The following PLEKHA6 variants were observed in gnomAD, a reference collection of about 807,000 sequenced individuals.
PLEKHA6 encodes pleckstrin homology domain-containing family A member 6.
In PLEKHA6, 60 loss-of-function variants were observed where a neutral mutation model predicts 116.7. The observed-to-expected ratio is 0.51, with a 90% CI of 0.42 to 0.64. The LOEUF is 0.64. Among genes scored for constraint, PLEKHA6 ranks in the 30% least tolerant of loss-of-function variants. The pLI, the probability that PLEKHA6 is intolerant of heterozygous loss-of-function variation, is 0.00. For missense variants in PLEKHA6, 1,338 were observed against 1,422.7 expected, an observed-to-expected ratio of 0.94 and a Z score of 0.96; for synonymous variants, 489 against 556.1, an observed-to-expected ratio of 0.88 and a Z score of 1.70.
intron 1 of PLEKHA6, among the ~76,000 whole-genome samples, chr1:204,333,410 C>T (rs575375289): frequency 6.6e-6 from 1 of 152,312 alleles, no homozygotes; most frequent in East Asian, 1.9e-4. Flanking sequence ...GCCCAGGACT[C>T]CAGTTCTCTG....
At chr1:204,353,080 G>T (rs1673329598) in intron 1 of PLEKHA6, among the ~76,000 whole-genome samples, 1 of 152,192 alleles carries the variant, frequency 6.6e-6, no homozygotes. Flanking sequence ...AAAGCAAATG[G>T]TAGGGCCAGG....
At chr1:204,372,967 G>T (rs183409556) in intron 1 of PLEKHA6, among the ~76,000 whole-genome samples, 1 of 150,946 alleles carries the variant, frequency 6.6e-6, no homozygotes, top group African/African-American at 2.4e-5. Flanking sequence ...GAGTGCAGTG[G>T]CACAATCATA....
At chr1:204,363,255 C>A (rs1026723098), upstream of PLEKHA6, among the ~76,000 whole-genome samples, 3 of 152,232 alleles carry the variant, frequency 2.0e-5, no homozygotes, top group Admixed American at 1.3e-4. Context: ...CACTGCCCAG[C>A]CTGGAAGCAC....
At chr1:204,253,163 A>G (rs1011784742) in intron 9 of PLEKHA6, among the ~76,000 whole-genome samples, 1 of 152,224 alleles carries the variant, frequency 6.6e-6, no homozygotes, top group Non-Finnish European at 1.5e-5. Context: ...GCAAGTGGTG[A>G]CTGTCACTCC....
chr1:204,288,075 CAT>C (rs1179537879), intron 1 of PLEKHA6, among the ~76,000 whole-genome samples: 3 of 152,316 alleles, frequency 2.0e-5, no homozygotes, highest in South Asian at 4.1e-4. Context: ...CCCAGACAAA[CAT>C]AGACCAGACA....
At chr1:204,310,884 T>C (rs770414651) in intron 1 of PLEKHA6, among the ~76,000 whole-genome samples, 11 of 152,198 alleles carry the variant, frequency 7.2e-5, no homozygotes, top group Non-Finnish European at 1.5e-4. Flanking sequence ...GGCTCTGCTT[T>C]GGAGAAGGAA....
chr1:204,327,071 C>T (rs1045004814), intron 1 of PLEKHA6: 1 of 899,644 alleles, frequency 1.1e-6, no homozygotes, highest in Admixed American at 6.2e-5. Context: ...TCCTCCTCCT[C>T]CTGGGATAGA....
At chr1:204,250,398 C>T in intron 10 of PLEKHA6, 148 bp downstream of exon 10, 1 of 653,430 alleles carries the variant, frequency 1.5e-6, no homozygotes, top group Non-Finnish European at 2.8e-6. Context: ...AGACATGAAT[C>T]AAAGGTATGA....
At chr1:204,328,042 TTTATTTTATTTA>T (rs1375751383) in intron 1 of PLEKHA6, among the ~76,000 whole-genome samples, 259 of 134,620 alleles carry the variant, frequency 1.9e-3, no homozygotes, top group African/African-American at 6.4e-3. Context: ...GCTGCTTTTA[TTTATTTTATTTA>T]TTTATTTATT....
At chr1:204,245,492 C>G in intron 14 of PLEKHA6, 123 bp downstream of exon 14, 1 of 646,568 alleles carries the variant, frequency 1.5e-6, no homozygotes, top group Non-Finnish European at 2.7e-6. Flanking sequence ...TTCTGGTGTC[C>G]CAAGAAGGCC....
At chr1:204,245,561 G>A (rs1663533342) in intron 14 of PLEKHA6, 54 bp downstream of exon 14, 3 of 1,042,712 alleles carry the variant, frequency 2.9e-6, no homozygotes, top group Non-Finnish European at 4.5e-6. Context: ...CAGAAATACT[G>A]GAGCACTCCT....
intron 5 of PLEKHA6, among the ~76,000 whole-genome samples, chr1:204,267,247 G>C (rs1666934258): frequency 6.6e-6 from 1 of 152,192 alleles, no homozygotes; most frequent in Non-Finnish European, 1.5e-5. Context: ...AACTCTGCCT[G>C]AAACCTAGCA....
chr1:204,309,559 G>A (rs1671581350), intron 1 of PLEKHA6: 1 of 160,984 alleles, frequency 6.2e-6, no homozygotes, highest in African/African-American at 2.4e-5. Flanking sequence ...AAGCCTACGT[G>A]TGTAGTAGGC....
intron 1 of PLEKHA6, among the ~76,000 whole-genome samples, chr1:204,294,429 G>GC (rs1670067930): frequency 6.6e-6 from 1 of 152,216 alleles, no homozygotes; most frequent in Non-Finnish European, 1.5e-5. Context: ...TCCTGCTGTT[G>GC]CGGAGGAAGA....
At chr1:204,255,815 T>A (rs1362467900) in intron 9 of PLEKHA6, 2 of 636,410 alleles carry the variant, frequency 3.1e-6, no homozygotes, top group African/African-American at 1.8e-5. Flanking sequence ...CCTCTGCCCT[T>A]GAGGAGTTCT....
chr1:204,278,852 T>TTGAA (rs1457957637), intron 1 of PLEKHA6, among the ~76,000 whole-genome samples: 2 of 152,198 alleles, frequency 1.3e-5, no homozygotes, highest in African/African-American at 4.8e-5. Context: ...TAAATATTTG[T>TTGAA]TGAATGAATG....
In PLEKHA6 at chr1:204,230,552, C is replaced by T. The variant is rs1347482542; in HGVS notation, c.2444G>A (p.Gly815Glu). The change falls in exon 18 of 23, where the codon GGG becomes GAG. Residue 815 changes from glycine (G) to glutamate (E), a missense_variant. Physicochemically the swap from Gly to Glu is moderately conservative, Grantham distance 98 (BLOSUM62 -2). Transcript: ENST00000272203. Reference protein sequence around the residue: ...RPKSAVFPGEGKVKMSVEEQI... With the variant: ...RPKSAVFPGEEKVKMSVEEQI... ...CTCCTCCACGCTCATCTTGACCTTC[C>T]CCTCGCCAGGAAACACAGCACTCTT... The T allele has an allele frequency of 6.2e-7, 1 of 1,604,144 alleles. No individual in the cohort carries two copies.
Position 204,268,314 on chromosome 1 carries a change from TG to T in PLEKHA6, c.103-3del. ...GGCTTTGCGGGCTGTGCGAGTTGCC[TG>T]GGGGCAGAGAGAGAAGCTGATCTAG... On this transcript the variant is annotated splice_polypyrimidine_tract_variant and splice_region_variant and intron_variant, in intron 3 of 22. Transcript: ENST00000272203. The T allele has an allele frequency of 1.2e-6, 2 of 1,601,644 alleles. No homozygotes were observed. Among genetic ancestry groups the T allele is most frequent in the Middle Eastern group, 1.7e-4 (1 of 6,012 alleles).
intron 1 of PLEKHA6, chr1:204,311,626 C>T (rs2103161589): frequency 1.0e-6 from 1 of 980,776 alleles, no homozygotes; most frequent in East Asian, 1.1e-4. Context: ...ATATTTCTTC[C>T]TTCCAAGATG....
Sources: allele counts gnomAD v4.1 joint callset (sites outside exome capture counted in the v4.1 genomes callset), GRCh38; gene constraint gnomAD v4.1.1; transcripts MANE v1.5; gene names NCBI Gene and HGNC (gene_info 2026-07-23, HGNC 2026-07-21).